KHDRBS1: variants seen among roughly 807,000 people sequenced by gnomAD.
The protein encoded by KHDRBS1 is KH domain-containing, RNA-binding, signal transduction-associated protein 1.
A neutral mutation model predicts 48.4 loss-of-function variants in KHDRBS1; 7 were observed. That is an observed-to-expected ratio of 0.14 (90% CI 0.08 to 0.27). The LOEUF (loss-of-function observed/expected upper bound fraction) is 0.27, where lower values mean the gene tolerates loss of function less well. Ranked by LOEUF, KHDRBS1 falls within the 10% of genes least tolerant of loss-of-function variation. KHDRBS1 has a pLI of 1.00. For missense variants in KHDRBS1, 458 were observed against 601.2 expected, an observed-to-expected ratio of 0.76 and a Z score of 2.49; for synonymous variants, 241 against 235.8, an observed-to-expected ratio of 1.02 and a Z score of -0.20.
chr1:32,048,577 G>A (rs563002841), downstream of KHDRBS1, among the ~76,000 whole-genome samples: 16 of 152,290 alleles, frequency 1.1e-4, no homozygotes, highest in African/African-American at 3.9e-4. Context: ...GCAGCCTGTG[G>A]TTAGCTTCTG....
At position 32,033,349 on chromosome 1, in the gene KHDRBS1, ATCC is replaced by A; in HGVS notation, c.771+17_771+19del. Reference sequence around the variant, plus strand: ...TTCTAGTACCGGTAAGGAAATCCATATCCTGTGTCTTCTGAGCAAAAGAGAACT... The same window carrying A: ...TTCTAGTACCGGTAAGGAAATCCATATGTGTCTTCTGAGCAAAAGAGAACT... On this transcript the variant is annotated intron_variant, in intron 4 of 8. Transcript: ENST00000327300. The A allele has an allele frequency of 6.2e-7, 1 of 1,613,292 alleles. No homozygotes were observed.
chr1:32,033,020 T>C (rs530195679), intron 3 of KHDRBS1, among the ~76,000 whole-genome samples, 168 bp from the exon 4 acceptor site: 1 of 151,402 alleles, frequency 6.6e-6, no homozygotes, highest in East Asian at 2.0e-4. Flanking sequence ...TTACTGTTTT[T>C]CTTTTTTCTT....
At position 32,038,426 on chromosome 1, in the gene KHDRBS1, C is replaced by T. The variant is rs573454513; in HGVS notation, c.1108-126C>T. 354 of 938,928 alleles carry T rather than the reference C, an allele frequency of 3.8e-4. 1 individual carries two copies. The highest frequency in any genetic ancestry group is 5.2e-4 in the Non-Finnish European group (323 of 619,344). The allele number at this position is 938,928 out of a possible 1,614,324, so 58.2% of individuals were successfully genotyped here. A position where few individuals can be genotyped will look rare whatever the true frequency, so the allele number is the denominator to read the frequency against. ...TTGACTATTCTACAGTAGGCATTAACATTTTGGAGGGAAATGTCATGTCCT... is the reference window on the plus strand; with the variant it reads ...TTGACTATTCTACAGTAGGCATTAATATTTTGGAGGGAAATGTCATGTCCT... On this transcript the variant is annotated intron_variant, in intron 6 of 8. Transcript: ENST00000327300.
intron 10 of KHDRBS1, among the ~76,000 whole-genome samples, chr1:32,051,998 A>G (rs1029298526): frequency 3.9e-5 from 6 of 152,124 alleles, no homozygotes; most frequent in African/African-American, 1.4e-4. Flanking sequence ...CCCTCATTTT[A>G]TTCTCAGTCT....
chr1:32,049,301 C>G (rs1201101250), intron 10 of KHDRBS1, among the ~76,000 whole-genome samples: 1 of 152,102 alleles, frequency 6.6e-6, no homozygotes, highest in Non-Finnish European at 1.5e-5. Flanking sequence ...GGTGATCCGC[C>G]TACCTTGGCC....
chr1:32,051,209 T>G (rs1639415217), intron 10 of KHDRBS1, among the ~76,000 whole-genome samples: 1 of 152,256 alleles, frequency 6.6e-6, no homozygotes, highest in South Asian at 2.1e-4. Context: ...AAATTCATTC[T>G]TTTACATGTG....
rs76471994 is a variant in KHDRBS1, at chr1:32,036,757, T to G, written c.772-153T>G. On this transcript the variant is annotated intron_variant, in intron 4 of 8. Transcript: ENST00000327300. ...AGACTTTTCTCAAAGAGGTGACAGA[T>G]AGGGTGCCATTTGACTTCAGAGAAG... Among the ~76,000 whole-genome samples, 879 of 152,196 alleles carry G rather than the reference T, an allele frequency of 5.8e-3. 9 individuals are homozygous for G. The highest frequency in any genetic ancestry group is 0.02 in the African/African-American group (837 of 41,524).
At chr1:32,023,168 A>G (rs2124363991) in intron 1 of KHDRBS1, among the ~76,000 whole-genome samples, 1 of 152,306 alleles carries the variant, frequency 6.6e-6, no homozygotes, top group African/African-American at 2.4e-5. Context: ...ATATTAAGCA[A>G]CGTGGAAGCT....
chr1:32,027,679 G>A (rs1293060227), intron 1 of KHDRBS1, among the ~76,000 whole-genome samples: 1 of 152,246 alleles, frequency 6.6e-6, no homozygotes, highest in South Asian at 2.1e-4. Flanking sequence ...TTAGTTCATG[G>A]TATAGTATAG....
At chr1:32,015,922 T>C (rs1638731034) in intron 1 of KHDRBS1, among the ~76,000 whole-genome samples, 1 of 152,196 alleles carries the variant, frequency 6.6e-6, no homozygotes, top group Non-Finnish European at 1.5e-5. Flanking sequence ...GGCTCACGCC[T>C]GTAATCCCAG....
chr1:32,034,744 G>A (rs994785724), intron 4 of KHDRBS1, among the ~76,000 whole-genome samples: 16 of 151,928 alleles, frequency 1.1e-4, no homozygotes, highest in African/African-American at 3.1e-4. Flanking sequence ...TTGGAAGGCC[G>A]AGGCGGGTGG....
intron 1 of KHDRBS1, among the ~76,000 whole-genome samples, chr1:32,018,789 G>A (rs1269037128): frequency 6.7e-6 from 1 of 150,140 alleles, no homozygotes; most frequent in Non-Finnish European, 1.5e-5. Flanking sequence ...TGGAGAGTAA[G>A]GCCAGGTGCG....
At chr1:32,028,432 A>T (rs1639016731) in intron 1 of KHDRBS1, among the ~76,000 whole-genome samples, 1 of 150,402 alleles carries the variant, frequency 6.6e-6, no homozygotes, top group Non-Finnish European at 1.5e-5. Context: ...CTATTCTCTG[A>T]TATTTAGAAT....
intron 10 of KHDRBS1, among the ~76,000 whole-genome samples, chr1:32,054,734 G>A (rs1239728301): frequency 2.0e-5 from 3 of 152,062 alleles, no homozygotes; most frequent in Non-Finnish European, 1.5e-5. Context: ...GTAGCCTAAC[G>A]CAAATTCATA....
intron 6 of KHDRBS1, 152 bp downstream of exon 6, chr1:32,038,188 TAGAAG>T: frequency 8.0e-7 from 1 of 1,256,536 alleles, no homozygotes; most frequent in South Asian, 1.6e-5. Context: ...GTTGAACTAT[TAGAAG>T]ATTTTTCCAT....
chr1:32,032,194 T>C (rs1033874876), intron 3 of KHDRBS1, among the ~76,000 whole-genome samples: 6 of 152,194 alleles, frequency 3.9e-5, no homozygotes, highest in African/African-American at 1.2e-4. Context: ...CCGCGTACGC[T>C]GTGTACTCTG....
chr1:32,014,078 C>T lies in KHDRBS1; in HGVS notation c.83C>T (p.Pro28Leu), dbSNP rs1407985357. The T allele has an allele frequency of 6.8e-7, 1 of 1,478,790 alleles. No individual in the cohort carries two copies. Among genetic ancestry groups the T allele is most frequent in the Non-Finnish European group, 8.9e-7 (1 of 1,121,208 alleles). 91.6% of individuals were successfully genotyped at this position (1,478,790 alleles called of 1,614,324 possible). Residue 28 changes from proline (P) to leucine (L), a missense_variant, in exon 1 of 9, where the codon CCC becomes CTC. Pro to Leu is a moderately conservative substitution (Grantham distance 98). This residue lies in a region of KHDRBS1 where 213 missense variants were observed against 215.6 expected (regional missense o/e 0.99). Transcript: ENST00000327300. ...TCCATGGACCCCTCCGGTGCCCACC[C>T]CTCGGTGCGTCAGACGCCGTCTCGG... ...SGSMDPSGAH[P>L]SVRQTPSRQP...
rs1422976114 is a variant in KHDRBS1, at chr1:32,033,340, G to A, written c.771+6G>A. On this transcript the variant is annotated splice_donor_region_variant and intron_variant, in intron 4 of 8. Transcript: ENST00000327300. ...TCAAGAAATTTCTAGTACCGGTAAG[G>A]AAATCCATATCCTGTGTCTTCTGAG... is the stretch of plus-strand genomic sequence containing the variant. 3.1e-6 allele frequency: 5 copies of A among 1,613,958 alleles called. No individual in the cohort carries two copies. Among genetic ancestry groups the A allele is most frequent in the Non-Finnish European group, 4.2e-6 (5 of 1,179,820 alleles).
chr1:32,053,902 G>A (rs1419573397), intron 10 of KHDRBS1, among the ~76,000 whole-genome samples: 2 of 152,102 alleles, frequency 1.3e-5, no homozygotes, highest in Non-Finnish European at 2.9e-5. Flanking sequence ...GACCAACATG[G>A]AGAAACCCCG....
Sources: gnomAD v4.1 joint callset for allele counts (sites outside exome capture counted in the v4.1 genomes callset) on GRCh38, gnomAD v4.1.1 for gene constraint, gnomAD v4.1.1 regional missense constraint, MANE v1.5 for transcripts, NCBI Gene and HGNC (gene_info 2026-07-23, HGNC 2026-07-21) for gene names.